The following PARP1 variants were observed in gnomAD, a reference collection of about 807,000 sequenced individuals.
PARP1 encodes poly(ADP-ribose) polymerase 1.
PARP1 carries 44 observed loss-of-function variants against 118.7 expected under a neutral mutation model. That is an observed-to-expected ratio of 0.37 (90% CI 0.29 to 0.48). The LOEUF is 0.48. Among genes scored for constraint, PARP1 ranks in the 20% least tolerant of loss-of-function variants. The pLI, the probability that PARP1 is intolerant of heterozygous loss-of-function variation, is 0.99. For missense variants in PARP1, 1,100 were observed against 1,272.4 expected, an observed-to-expected ratio of 0.86 and a Z score of 2.06; for synonymous variants, 492 against 483.2, an observed-to-expected ratio of 1.02 and a Z score of -0.24.
rs187673130 is a variant in PARP1, at chr1:226,392,814, T to C, written c.287-500A>G. 1.3e-3 allele frequency: 1,185 copies of C among 878,982 alleles called. 5 individuals are homozygous for C. The highest frequency in any genetic ancestry group is 1.8e-3 in the Non-Finnish European group (1,077 of 591,174). 54.4% of individuals were successfully genotyped at this position (878,982 alleles called of 1,614,324 possible). ...TTCAAATTAGTGGGAAAAGGTTGAATTATTCAATAAAGAGTTCTGGGGATC... is the reference window on the plus strand; with the variant it reads ...TTCAAATTAGTGGGAAAAGGTTGAACTATTCAATAAAGAGTTCTGGGGATC... On this transcript the variant is annotated intron_variant, in intron 2 of 22. Coordinates refer to ENST00000366794, the MANE Select transcript of PARP1 (RefSeq NM_001618.4).
At chr1:226,362,972 A>G in intron 21 of PARP1, 127 bp downstream of exon 21, 1 of 753,564 alleles carries the variant, frequency 1.3e-6, no homozygotes, top group Non-Finnish European at 2.4e-6. Flanking sequence ...ACCCCTCGAA[A>G]AGATAAAATG....
chr1:226,405,695 T>A (rs986170675), intron 1 of PARP1, among the ~76,000 whole-genome samples: 2 of 152,232 alleles, frequency 1.3e-5, no homozygotes, highest in Non-Finnish European at 2.9e-5. Flanking sequence ...AGCGGTGTTG[T>A]TCTAGCCTCA....
chr1:226,386,262 A>C, intron 6 of PARP1, 64 bp downstream of exon 6: 1 of 933,324 alleles, frequency 1.1e-6, no homozygotes, highest in Non-Finnish European at 1.8e-6. Context: ...CCATTGGGAC[A>C]GTCACTCCAC....
chr1:226,369,610 T>C (rs1196528280), intron 15 of PARP1, among the ~76,000 whole-genome samples: 1 of 152,202 alleles, frequency 6.6e-6, no homozygotes, highest in African/African-American at 2.4e-5. Context: ...GTTAGCTCTC[T>C]ACACCTGTGG....
chr1:226,387,343 T>G (rs555346115), intron 5 of PARP1, among the ~76,000 whole-genome samples: 11 of 152,260 alleles, frequency 7.2e-5, no homozygotes, highest in African/African-American at 2.6e-4. Context: ...GCCTCTCCAT[T>G]TTAAAGGCTG....
intron 14 of PARP1, 171 bp from the exon 15 acceptor site, chr1:226,370,688 C>A: frequency 1.5e-6 from 1 of 671,386 alleles, no homozygotes; most frequent in Non-Finnish European, 2.7e-6. Context: ...CCCACCCCAC[C>A]ATGAGGGATG....
intron 14 of PARP1, among the ~76,000 whole-genome samples, chr1:226,373,364 A>G (rs3754375): frequency 0.21 from 32,409 of 152,174 alleles, 4,003 homozygotes; most frequent in East Asian, 0.34. Context: ...TTTTCAGAGC[A>G]GCCTGAAGCT....
chr1:226,364,908 C>T (rs1261535199), intron 19 of PARP1, 94 bp downstream of exon 19: 3 of 1,366,380 alleles, frequency 2.2e-6, no homozygotes, highest in Middle Eastern at 2.5e-4. Context: ...CTGGCAGAAT[C>T]CCCCTAAACC....
intron 2 of PARP1, among the ~76,000 whole-genome samples, chr1:226,395,588 T>C (rs957465787): frequency 6.6e-6 from 1 of 151,944 alleles, no homozygotes; most frequent in Non-Finnish European, 1.5e-5. Context: ...GAGGTTGCAG[T>C]GAGCTGAGAT....
chr1:226,407,879 C>A lies in PARP1; in HGVS notation c.51G>T (p.Gly17=). 6.2e-7 allele frequency: 1 copy of A among 1,611,508 alleles called. No homozygotes were observed. Among genetic ancestry groups the A allele is most frequent in the Non-Finnish European group, 8.5e-7 (1 of 1,178,798 alleles). ...KLYRVEYAKS[G]RASCKKCSES... ...CGCTGCATTTCTTGCAAGAGGCGCG[C>A]CCGCTCTTGGCGTACTCGACTCGAT... The change falls in exon 1 of 23, where the codon GGG becomes GGT. Residue 17 remains glycine (G), a synonymous_variant. Transcript: ENST00000366794.
In PARP1 at chr1:226,379,203, T is replaced by A; in HGVS notation, c.1684A>T (p.Ile562Phe). 1 of 1,614,232 alleles carries A rather than the reference T, an allele frequency of 6.2e-7. No homozygotes were observed. Among genetic ancestry groups the A allele is most frequent in the South Asian group, 1.1e-5 (1 of 91,088 alleles). ...VFSATLGLVD[I>F]VKGTNSYYKL... ...TAGTAGGAGTTGGTTCCTTTAACGA[T>A]GTCCACCAGGCCAAGGGTGGCACTG... Residue 562 changes from isoleucine to phenylalanine, a missense_variant, in exon 12 of 23, where the codon ATC becomes TTC. Ile to Phe is a conservative substitution (Grantham distance 21). Coordinates refer to ENST00000366794, the MANE Select transcript of PARP1 (RefSeq NM_001618.4).
chr1:226,392,909 T>C, intron 2 of PARP1: 3 of 1,565,360 alleles, frequency 1.9e-6, no homozygotes, highest in Non-Finnish European at 2.6e-6. Flanking sequence ...AGGTTGAATG[T>C]TTCTTGCCTA....
At chr1:226,403,563 C>A (rs574791722) in intron 1 of PARP1, among the ~76,000 whole-genome samples, 5 of 152,336 alleles carry the variant, frequency 3.3e-5, no homozygotes, top group African/African-American at 1.2e-4. Context: ...CTTTCATAAG[C>A]CATCCTGTGT....
intron 22 of PARP1, 51 bp downstream of exon 22, chr1:226,361,918 T>G (rs761352411): frequency 9.0e-7 from 1 of 1,108,128 alleles, no homozygotes; most frequent in Admixed American, 1.7e-5. Flanking sequence ...AGTGACTCTG[T>G]AGCTCGAGAA....
chr1:226,386,962 T>C (rs1190310557), intron 5 of PARP1, among the ~76,000 whole-genome samples: 1 of 152,162 alleles, frequency 6.6e-6, no homozygotes, highest in East Asian at 1.9e-4. Context: ...CTACTCTTGG[T>C]TGGATGCTTT....
In PARP1 at chr1:226,386,440, A is replaced by G. The variant is rs1158503474; in HGVS notation, c.720T>C (p.Ala240=). Residue 240 remains alanine (A), a splice_region_variant and synonymous_variant, in exon 6 of 23, where the codon GCT becomes GCC. Coordinates refer to ENST00000366794, the MANE Select transcript of PARP1 (RefSeq NM_001618.4). ...KDSKLEKALK[A]QNDLIWNIKD... ...TGATGTTCCAGATCAGGTCGTTCTGAGCCTATGGACAAGACCCAGTGGCTG... is the reference window on the plus strand; with the variant it reads ...TGATGTTCCAGATCAGGTCGTTCTGGGCCTATGGACAAGACCCAGTGGCTG... 1 of 1,604,358 alleles carries G rather than the reference A, an allele frequency of 6.2e-7. No individual in the cohort carries two copies. The highest frequency in any genetic ancestry group is 1.3e-5 in the African/African-American group (1 of 74,688).
chr1:226,372,318 C>T (rs1202856413), intron 14 of PARP1, among the ~76,000 whole-genome samples: 1 of 152,242 alleles, frequency 6.6e-6, no homozygotes, highest in African/African-American at 2.4e-5. Flanking sequence ...TTTCAGCAAG[C>T]AGCGCCCCTG....
chr1:226,366,720 C>A (rs1208270440), intron 17 of PARP1: 1 of 156,804 alleles, frequency 6.4e-6, no homozygotes, highest in Non-Finnish European at 1.4e-5. Context: ...GCTCTAGGGG[C>A]AAAACAAATG....
chr1:226,407,054 A>G (rs1373885189), intron 1 of PARP1, among the ~76,000 whole-genome samples: 1 of 152,156 alleles, frequency 6.6e-6, no homozygotes, highest in African/African-American at 2.4e-5. Context: ...GCCCCTGGGA[A>G]ATGACAGGGG....
Sources: allele counts gnomAD v4.1 joint callset (sites outside exome capture counted in the v4.1 genomes callset), GRCh38; gene constraint gnomAD v4.1.1; transcripts MANE v1.5; gene names NCBI Gene and HGNC (gene_info 2026-07-23, HGNC 2026-07-21).